Variants in BTN2A1 observed in about 807,000 individuals in gnomAD.
BTN2A1 encodes the protein butyrophilin subfamily 2 member A1.
Under a neutral mutation model 34.5 loss-of-function variants are expected in BTN2A1, and 41 were observed. The ratio of observed to expected loss-of-function variants is 1.19; its 90% CI spans 0.93 to 1.54. The LOEUF (loss-of-function observed/expected upper bound fraction) is 1.54. Ranked by LOEUF, BTN2A1 falls within the 40% of genes most tolerant of loss-of-function variation. The pLI is 0.00. For missense variants in BTN2A1, 642 were observed against 662.0 expected, an observed-to-expected ratio of 0.97 and a Z score of 0.33; for synonymous variants, 267 against 258.6, an observed-to-expected ratio of 1.03 and a Z score of -0.31.
chr6:26,460,878 C>T (rs1763146828), intron 3 of BTN2A1, among the ~76,000 whole-genome samples: 1 of 152,166 alleles, frequency 6.6e-6, no homozygotes, highest in African/African-American at 2.4e-5. Flanking sequence ...CCACATCACT[C>T]CAGCCTGGGC....
At chr6:26,472,812 T>C (rs368590064), downstream of BTN2A1, among the ~76,000 whole-genome samples, 15 of 152,038 alleles carry the variant, frequency 9.9e-5, no homozygotes, top group African/African-American at 2.9e-4. Flanking sequence ...ACTGAACAGC[T>C]CTCAGCAGAG....
exon 8 of BTN2A1, chr6:26,476,423 C>T: frequency 1.5e-6 from 1 of 684,734 alleles, no homozygotes; most frequent in African/African-American, 1.8e-5. Context: ...TGCTCACCCT[C>T]ATTCTTCTCC....
intron 4 of BTN2A1, 132 bp downstream of exon 4, chr6:26,463,657 C>T: frequency 9.4e-7 from 1 of 1,060,776 alleles, no homozygotes; most frequent in East Asian, 2.4e-5. Context: ...GAGGCTGCAG[C>T]TGAGTGAAGC....
chr6:26,472,863 C>G (rs1235828043), downstream of BTN2A1, among the ~76,000 whole-genome samples: 1 of 152,132 alleles, frequency 6.6e-6, no homozygotes, highest in Non-Finnish European at 1.5e-5. Flanking sequence ...GGAAAGCTCC[C>G]CCTGTGTGGC....
At chr6:26,474,897 C>T (rs757371040) in intron 7 of BTN2A1, among the ~76,000 whole-genome samples, 3 of 151,972 alleles carry the variant, frequency 2.0e-5, no homozygotes, top group Non-Finnish European at 2.9e-5. Flanking sequence ...TACAGGCATA[C>T]GCCACCACAC....
At chr6:26,458,870 G>T (rs1763083242) in intron 2 of BTN2A1, 152 bp downstream of exon 2, 1 of 1,035,776 alleles carries the variant, frequency 9.7e-7, no homozygotes, top group African/African-American at 1.6e-5. Flanking sequence ...CTGTCCAAAA[G>T]GAATACAGTG....
chr6:26,471,056 A>C (rs1763441762), downstream of BTN2A1, among the ~76,000 whole-genome samples: 1 of 152,166 alleles, frequency 6.6e-6, no homozygotes, highest in Non-Finnish European at 1.5e-5. Flanking sequence ...ATTTTAGACA[A>C]CTCAGTAATC....
Position 26,465,924 on chromosome 6 carries a change from A to C in BTN2A1, c.935-29A>C, listed in dbSNP as rs1176290755. 7 of 1,614,012 alleles carry C rather than the reference A, an allele frequency of 4.3e-6. No homozygotes were observed. The African/African-American group carries it at 8.0e-5, about 18-fold the overall frequency. On this transcript the variant is annotated intron_variant, in intron 5 of 7. Transcript: ENST00000312541. ...CAACTTCTTTTAGTTCTTCTGTCAAAGACATGATTTTCTTTGTTTGTTTTT... is the reference window on the plus strand; with the variant it reads ...CAACTTCTTTTAGTTCTTCTGTCAACGACATGATTTTCTTTGTTTGTTTTT...
At chr6:26,474,712 G>A (rs1763508695) in intron 7 of BTN2A1, among the ~76,000 whole-genome samples, 1 of 151,774 alleles carries the variant, frequency 6.6e-6, no homozygotes. Context: ...CCTTCCAACT[G>A]CATGTTCTTA....
At chr6:26,472,734 GC>G (rs2113871263), downstream of BTN2A1, among the ~76,000 whole-genome samples, 1 of 152,212 alleles carries the variant, frequency 6.6e-6, no homozygotes, top group African/African-American at 2.4e-5. Context: ...CTTGTACCAT[GC>G]CCAAGAAGAA....
chr6:26,473,903 C>T (rs1324970038), downstream of BTN2A1, among the ~76,000 whole-genome samples: 1 of 152,240 alleles, frequency 6.6e-6, no homozygotes, highest in African/African-American at 2.4e-5. Context: ...CCAGTGGCTT[C>T]TGCCCAGCAA....
chr6:26,463,560 A>T (rs182643948), intron 4 of BTN2A1, 35 bp downstream of exon 4: 1 of 1,592,748 alleles, frequency 6.3e-7, no homozygotes, highest in African/African-American at 1.3e-5. Context: ...CGTCGAGTGC[A>T]TGGGGGATCC....
intron 3 of BTN2A1, among the ~76,000 whole-genome samples, chr6:26,460,286 A>C (rs1181629277): frequency 2.0e-5 from 3 of 152,176 alleles, no homozygotes; most frequent in Non-Finnish European, 4.4e-5. Flanking sequence ...GTTCCAAGAC[A>C]ACTGGAATAA....
At chr6:26,462,076 T>G (rs1431446717) in intron 3 of BTN2A1, among the ~76,000 whole-genome samples, 4 of 152,146 alleles carry the variant, frequency 2.6e-5, no homozygotes, top group Non-Finnish European at 5.9e-5. Flanking sequence ...AAGTTATTGA[T>G]TTAATTTCCT....
Position 26,463,165 on chromosome 6 carries a change from T to C in BTN2A1, c.431-79T>C, listed in dbSNP as rs1325844778. ...CTCTTTTTTACCTTTACTTTCTAGC[T>C]TCACAGAAGAGATGCAATAGGCACA... On this transcript the variant is annotated intron_variant, in intron 3 of 7. Coordinates refer to ENST00000312541, the MANE Select transcript of BTN2A1 (RefSeq NM_007049.5). The C allele has an allele frequency of 2.1e-6, 3 of 1,447,282 alleles. No homozygotes were observed. In the East Asian group the frequency reaches 6.9e-5, roughly 33 times the overall value. The allele number at this position is 1,447,282 out of a possible 1,614,324, so 89.7% of individuals were successfully genotyped here.
chr6:26,468,037 C>G lies in BTN2A1; in HGVS notation c.1072C>G (p.Leu358Val). ...TGTGAGAAGGTGCCCCTTCAGGCAC[C>G]TAGGGGAGAGCGTGCCTGACAACCC... Reference protein sequence around the residue: ...RSVRRCPFRHLGESVPDNPER... With the variant: ...RSVRRCPFRHVGESVPDNPER... The change falls in exon 8 of 8, where the codon CTA (leucine) becomes GTA (valine). Residue 358 changes from leucine (L) to valine (V), a missense_variant. Physicochemically the swap from Leu to Val is conservative, Grantham distance 32. Coordinates refer to ENST00000312541, the MANE Select transcript of BTN2A1 (RefSeq NM_007049.5). The G allele has an allele frequency of 6.2e-7, 1 of 1,614,196 alleles. No homozygotes were observed. The highest frequency in any genetic ancestry group is 8.5e-7 in the Non-Finnish European group (1 of 1,180,020).
chr6:26,472,288 C>T (rs965630404), downstream of BTN2A1, among the ~76,000 whole-genome samples: 1 of 152,178 alleles, frequency 6.6e-6, no homozygotes, highest in African/African-American at 2.4e-5. Context: ...CTTCCACCCT[C>T]AAGCAATTGG....
intron 3 of BTN2A1, 131 bp from the exon 4 acceptor site, chr6:26,463,113 C>T (rs774347873): frequency 6.0e-5 from 71 of 1,176,640 alleles, no homozygotes; most frequent in Non-Finnish European, 8.0e-5. Flanking sequence ...TTTTTTTCTT[C>T]CTTCCTATTT....
chr6:26,463,043 T>A (rs3823158), intron 3 of BTN2A1: 73,431 of 893,938 alleles, frequency 0.082, 3,827 homozygotes, highest in Non-Finnish European at 0.1. Flanking sequence ...ACAGTTTATG[T>A]GGCCCATTGG....
Sources: gnomAD v4.1 joint callset for allele counts (sites outside exome capture counted in the v4.1 genomes callset) on GRCh38, gnomAD v4.1.1 for gene constraint, MANE v1.5 for transcripts, NCBI Gene and HGNC (gene_info 2026-07-23, HGNC 2026-07-21) for gene names.